The following SV2C variants were observed in gnomAD, a reference collection of about 807,000 sequenced individuals.
The protein encoded by SV2C is synaptic vesicle glycoprotein 2C, also known as solute carrier family 22 member B3.
A neutral mutation model predicts 79.7 loss-of-function variants in SV2C; 49 were observed. The ratio of observed to expected loss-of-function variants is 0.61; its 90% CI spans 0.49 to 0.78. The LOEUF (loss-of-function observed/expected upper bound fraction) is 0.78, where lower values mean the gene tolerates loss of function less well. SV2C is among the 30% of genes least tolerant of loss of function. The pLI is 0.00. For synonymous variants in SV2C, 334 were observed against 333.2 expected (o/e 1.00, Z -0.03); for missense variants, 833 against 912.9 (o/e 0.91, Z 1.13).
At chr5:76,034,745 A>G in the SV2C span, among the ~76,000 whole-genome samples, 3 of 152,224 alleles carry the variant, frequency 2.0e-5, no homozygotes, top group East Asian at 5.8e-4. Context: ...CTTTGGTATC[A>G]GGATGATGCT....
chr5:76,173,011 C>T (rs1669655725), intron 2 of SV2C, among the ~76,000 whole-genome samples: 1 of 128,520 alleles, frequency 7.8e-6, no homozygotes, highest in East Asian at 2.1e-4. Context: ...CTGCCAAATC[C>T]CCCTCTGTGA....
intron 6 of SV2C, chr5:76,286,609 C>A (rs911818804): frequency 6.6e-6 from 1 of 152,088 alleles, no homozygotes; most frequent in Non-Finnish European, 1.5e-5. Context: ...TAAAACTAAT[C>A]TCTGGGTTTC....
chr5:75,999,889 G>A, the SV2C span, among the ~76,000 whole-genome samples: 1 of 152,076 alleles, frequency 6.6e-6, no homozygotes, highest in Non-Finnish European at 1.5e-5. Context: ...TCACGTGGAG[G>A]AAGAGACAGA....
At chr5:75,973,348 A>G in the SV2C span, among the ~76,000 whole-genome samples, 7 of 151,822 alleles carry the variant, frequency 4.6e-5, 1 homozygote, top group African/African-American at 1.7e-4. Flanking sequence ...AAAAAAAATT[A>G]GCCAAGTATG....
chr5:75,867,568 C>T, the SV2C span, among the ~76,000 whole-genome samples: 1 of 152,178 alleles, frequency 6.6e-6, no homozygotes, highest in East Asian at 1.9e-4. Context: ...GTCAGAGATA[C>T]AAATGCATAA....
At chr5:75,914,058 A>G in the SV2C span, among the ~76,000 whole-genome samples, 1 of 152,252 alleles carries the variant, frequency 6.6e-6, no homozygotes, top group East Asian at 1.9e-4. Context: ...AGGTCTTTTC[A>G]TTGAGCATGA....
the SV2C span, among the ~76,000 whole-genome samples, chr5:75,996,007 G>A: frequency 2.6e-5 from 4 of 152,196 alleles, no homozygotes; most frequent in Non-Finnish European, 5.9e-5. Context: ...AGAGTGAGGA[G>A]TCAGGCAGAT....
At chr5:75,885,207 G>A in the SV2C span, among the ~76,000 whole-genome samples, 2 of 152,092 alleles carry the variant, frequency 1.3e-5, no homozygotes, top group African/African-American at 2.4e-5. Context: ...AGAGTCCAGG[G>A]ATGTCTAACA....
the SV2C span, among the ~76,000 whole-genome samples, chr5:76,051,069 G>T: frequency 6.6e-6 from 1 of 152,148 alleles, no homozygotes; most frequent in Non-Finnish European, 1.5e-5. Context: ...TGCAGCAAAT[G>T]TAATGAGTAA....
chr5:76,011,686 C>G, the SV2C span, among the ~76,000 whole-genome samples: 7 of 151,938 alleles, frequency 4.6e-5, no homozygotes, highest in Non-Finnish European at 1.0e-4. Context: ...TAGATATACA[C>G]GTGCCATGGT....
At chr5:76,261,415 C>G (rs759967930) in intron 4 of SV2C, among the ~76,000 whole-genome samples, 1 of 152,146 alleles carries the variant, frequency 6.6e-6, no homozygotes, top group Non-Finnish European at 1.5e-5. Context: ...TTCTCTATTC[C>G]TATTCAAACA....
intron 10 of SV2C, among the ~76,000 whole-genome samples, chr5:76,300,170 T>TTATTAC (rs1747936104): frequency 6.8e-6 from 1 of 146,906 alleles, no homozygotes; most frequent in African/African-American, 2.5e-5. Flanking sequence ...ATTATTATTA[T>TTATTAC]TATTATTATT....
At chr5:75,955,678 T>A in the SV2C span, among the ~76,000 whole-genome samples, 7 of 147,808 alleles carry the variant, frequency 4.7e-5, no homozygotes, top group East Asian at 5.9e-4. Flanking sequence ...GAATCTACAA[T>A]GAACTCAAAC....
chr5:76,075,717 G>T, the SV2C span: 3 of 357,928 alleles, frequency 8.4e-6, no homozygotes, highest in South Asian at 4.8e-5. Context: ...CTAGAAAGAA[G>T]GGCACAAACT....
At chr5:76,261,802 C>T (rs1051056226) in intron 4 of SV2C, among the ~76,000 whole-genome samples, 3 of 152,122 alleles carry the variant, frequency 2.0e-5, no homozygotes, top group African/African-American at 4.8e-5. Context: ...CCGACTTGAT[C>T]GTGATGGATA....
chr5:75,981,891 T>G, the SV2C span, among the ~76,000 whole-genome samples: 1 of 152,024 alleles, frequency 6.6e-6, no homozygotes, highest in African/African-American at 2.4e-5. Context: ...ACTAAAGAGC[T>G]TCTGGACAGC....
the SV2C span, among the ~76,000 whole-genome samples, chr5:76,058,375 A>C: frequency 6.6e-6 from 1 of 152,120 alleles, no homozygotes; most frequent in Non-Finnish European, 1.5e-5. Flanking sequence ...TTGTTGCAAC[A>C]CTTCGGTGTT....
intron 2 of SV2C, among the ~76,000 whole-genome samples, chr5:76,194,483 T>A (rs1202717295): frequency 6.6e-6 from 1 of 152,204 alleles, no homozygotes; most frequent in Non-Finnish European, 1.5e-5. Flanking sequence ...CTGGGTCTCA[T>A]GACAGGAGGA....
At chr5:76,260,857 A>G (rs567320104) in intron 4 of SV2C, among the ~76,000 whole-genome samples, 6 of 152,304 alleles carry the variant, frequency 3.9e-5, no homozygotes, top group African/African-American at 1.4e-4. Context: ...CTTGTAGTAT[A>G]GTTTGAAGTC....
Sources: gnomAD v4.1 joint callset for allele counts (sites outside exome capture counted in the v4.1 genomes callset) on GRCh38, gnomAD v4.1.1 for gene constraint, MANE v1.5 for transcripts, NCBI Gene and HGNC (gene_info 2026-07-23, HGNC 2026-07-21) for gene names.